Variants in ABCA10 observed in about 807,000 individuals in gnomAD.
ABCA10 encodes the protein ATP-binding cassette sub-family A member 10.
Under a neutral mutation model 187.5 loss-of-function variants are expected in ABCA10, and 169 were observed. That is an observed-to-expected ratio of 0.90 (90% CI 0.80 to 1.02). The LOEUF is 1.02. Among genes scored for constraint, ABCA10 ranks in the 50% least tolerant of loss-of-function variants. The pLI is 0.00. For synonymous variants in ABCA10, 574 were observed against 601.8 expected (o/e 0.95, Z 0.68); for missense variants, 1,727 against 1,812.4 (o/e 0.95, Z 0.86).
intron 9 of ABCA10, among the ~76,000 whole-genome samples, chr17:69,210,230 C>T (rs1598116974): frequency 7.6e-6 from 1 of 131,282 alleles, no homozygotes; most frequent in African/African-American, 3.2e-5. Context: ...TCGCCCAGGC[C>T]GGACTGCGGA....
chr17:69,220,503 G>A (rs2144845889), intron 5 of ABCA10, among the ~76,000 whole-genome samples: 2 of 152,308 alleles, frequency 1.3e-5, no homozygotes, highest in East Asian at 3.9e-4. Context: ...AAGATTGGAT[G>A]TGATGAGTGA....
At position 69,214,759 on chromosome 17, in the gene ABCA10, T is replaced by C; in HGVS notation, c.951A>G (p.Ala317=). Residue 317 remains alanine, a synonymous_variant, in exon 9 of 39, where the codon GCA becomes GCG. Coordinates refer to ENST00000690296, the MANE Select transcript of ABCA10 (RefSeq NM_001377321.1). ...ATATCAAATAGAAAAGAGTATCAAA[T>C]GCCAAAATGAAAAAAGTGGCTATCA... The part of the protein sequence containing the change: ...YKMIATFFIL[A]FDTLFYLIFT... 6.6e-7 allele frequency: 1 copy of C among 1,518,294 alleles called. No homozygotes were observed. Among genetic ancestry groups the C allele is most frequent in the Non-Finnish European group, 8.8e-7 (1 of 1,141,268 alleles). The allele number at this position is 1,518,294 out of a possible 1,614,324, so 94.1% of individuals were successfully genotyped here.
At chr17:69,195,497 C>T (rs2074491488) in intron 11 of ABCA10, among the ~76,000 whole-genome samples, 1 of 149,048 alleles carries the variant, frequency 6.7e-6, no homozygotes, top group Admixed American at 6.7e-5. Flanking sequence ...GATATTTTCA[C>T]ATCACAGAAA....
chr17:69,221,746 G>A (rs2074749331), intron 5 of ABCA10, 46 bp downstream of exon 5: 2 of 1,502,976 alleles, frequency 1.3e-6, no homozygotes, highest in South Asian at 2.4e-5. Flanking sequence ...TTTAAAAAGA[G>A]GGAAGAATAC....
At chr17:69,162,728 G>T (rs1166359643) in intron 27 of ABCA10, among the ~76,000 whole-genome samples, 2 of 151,822 alleles carry the variant, frequency 1.3e-5, no homozygotes, top group African/African-American at 4.8e-5. Context: ...CCTCAGTTCT[G>T]TAGGAATGAA....
intron 6 of ABCA10, among the ~76,000 whole-genome samples, chr17:69,216,750 G>A (rs972841031): frequency 1.3e-5 from 2 of 151,890 alleles, no homozygotes; most frequent in African/African-American, 2.4e-5. Flanking sequence ...GAAAAACAAC[G>A]ACAATCTCCC....
At chr17:69,212,780 C>T (rs2144834971) in intron 9 of ABCA10, among the ~76,000 whole-genome samples, 1 of 152,252 alleles carries the variant, frequency 6.6e-6, no homozygotes, top group East Asian at 1.9e-4. Context: ...AATAGCTACT[C>T]CTGTGTCCAT....
chr17:69,206,227 T>C (rs1368822989), intron 9 of ABCA10, among the ~76,000 whole-genome samples: 1 of 152,212 alleles, frequency 6.6e-6, no homozygotes, highest in African/African-American at 2.4e-5. Flanking sequence ...GATTCTAGAA[T>C]AATACTTTTC....
chr17:69,170,713 T>C (rs1369085328), intron 25 of ABCA10, among the ~76,000 whole-genome samples: 1 of 151,864 alleles, frequency 6.6e-6, no homozygotes, highest in African/African-American at 2.4e-5. Flanking sequence ...TTTTGGGAAA[T>C]TGAAACAACT....
rs2074390416 is a variant in ABCA10, at chr17:69,182,782, A to AT, written c.2523_2524insA (p.Ser842IlefsTer13). On this transcript the variant is annotated frameshift_variant, in exon 21 of 39. Coordinates refer to ENST00000690296, the MANE Select transcript of ABCA10 (RefSeq NM_001377321.1). LOFTEE classifies it high-confidence loss of function. Reference sequence around the variant, plus strand: ...AAAACTATATCCTGACACTTCAGTGAATGCACGAGGTCTTCAATATTTGAT... The same window carrying AT: ...AAAACTATATCCTGACACTTCAGTGATATGCACGAGGTCTTCAATATTTGAT... The AT allele has an allele frequency of 6.2e-7, 1 of 1,610,400 alleles. No individual in the cohort carries two copies. The highest frequency in any genetic ancestry group is 8.5e-7 in the Non-Finnish European group (1 of 1,178,224).
chr17:69,197,105 T>C lies in ABCA10; in HGVS notation c.1193A>G (p.Lys398Arg). 6.3e-7 allele frequency: 1 copy of C among 1,594,764 alleles called. No homozygotes were observed. The highest frequency in any genetic ancestry group is 8.6e-7 in the Non-Finnish European group (1 of 1,165,416). The change falls in exon 11 of 39, where the codon AAA (lysine) becomes AGA (arginine). Residue 398 changes from lysine to arginine, a missense_variant. Physicochemically the swap from Lys to Arg is conservative, Grantham distance 26. Transcript: ENST00000690296. The part of the protein sequence containing the change: ...KEAIRIRNVI[K>R]EYNGKTGKVE... ...TTTTCCAGTCTTTCCATTATATTCT[T>C]TTATAACATTTCTGATTCTGAAAGA...
Position 69,164,069 on chromosome 17 carries a change from C to T in ABCA10, c.3363+5G>A, listed in dbSNP as rs1389280242. On this transcript the variant is annotated splice_donor_5th_base_variant and intron_variant, in intron 27 of 38. Coordinates refer to ENST00000690296, the MANE Select transcript of ABCA10 (RefSeq NM_001377321.1). ...ATATATATTTAGGTAGAAAATGTTC[C>T]TTACTATTAAGGTTGTTAAAAGAAT... The T allele has an allele frequency of 1.3e-6, 2 of 1,534,830 alleles. No homozygotes were observed. The highest frequency in any genetic ancestry group is 1.7e-6 in the Non-Finnish European group (2 of 1,146,946).
At position 69,193,094 on chromosome 17, in the gene ABCA10, A is replaced by G. The variant is rs1390066671; in HGVS notation, c.1780+16T>C. On this transcript the variant is annotated intron_variant, in intron 15 of 38. Transcript: ENST00000690296. ...ATCCTTAAATAACTAGTTGGAATAA[A>G]GAAGCCAAGAATCACCAGCCAAGAT... 6.3e-7 allele frequency: 1 copy of G among 1,582,084 alleles called. No individual in the cohort carries two copies.
In ABCA10 at chr17:69,150,005, C is replaced by T. The variant is rs1432988425; in HGVS notation, c.4456G>A (p.Ala1486Thr). The T allele has an allele frequency of 1.2e-6, 2 of 1,612,480 alleles. No individual in the cohort carries two copies. Among genetic ancestry groups the T allele is most frequent in the Non-Finnish European group, 1.7e-6 (2 of 1,179,078 alleles). The change falls in exon 37 of 39, where the codon GCC (alanine) becomes ACC (threonine). Residue 1486 changes from alanine to threonine, a missense_variant. Physicochemically the swap from Ala to Thr is moderately conservative, Grantham distance 58 (BLOSUM62 0). Coordinates refer to ENST00000690296, the MANE Select transcript of ABCA10 (RefSeq NM_001377321.1). ...PVEDVHPLSR[A>T]FFKLEAMKQT... ...TTACTCGCCTCTAACTTGAAAAAGG[C>T]CCGAGATAGAGGGTGGACATCCTCC...
At chr17:69,150,307 C>T (rs1040790326) in intron 36 of ABCA10, 12 of 379,032 alleles carry the variant, frequency 3.2e-5, no homozygotes, top group Non-Finnish European at 5.7e-5. Flanking sequence ...AAGAATCTTT[C>T]CCACTCAGCC....
chr17:69,177,969 A>ATATATATATATATATATATATGTTATAT (rs1293769286), intron 22 of ABCA10, among the ~76,000 whole-genome samples: 1 of 54,964 alleles, frequency 1.8e-5, no homozygotes, highest in Non-Finnish European at 6.0e-5. Flanking sequence ...AAAAAAAAAA[A>ATATATATATATATATATATATGTTATAT]AAAAATATAT....
rs1208574767 is a variant in ABCA10, at chr17:69,173,811, A to T, written c.3162+470T>A. On this transcript the variant is annotated intron_variant, in intron 25 of 38. Transcript: ENST00000690296. ...AGTAATAAGTAAATTATTTATTAAG[A>T]AAACAGTTTCTTATTTATTTTATTC... is the stretch of plus-strand genomic sequence containing the variant. Among the ~76,000 whole-genome samples, 3 of 152,148 alleles carry T rather than the reference A, an allele frequency of 2.0e-5. No homozygotes were observed. The East Asian group carries it at 5.8e-4, about 29-fold the overall frequency.
chr17:69,213,155 T>C (rs529421516), intron 9 of ABCA10, among the ~76,000 whole-genome samples: 158 of 152,246 alleles, frequency 1.0e-3, no homozygotes, highest in African/African-American at 3.2e-3. Flanking sequence ...CTTGAGTTCA[T>C]TGGCCTCCAA....
chr17:69,195,788 T>C (rs1329248852), intron 11 of ABCA10, among the ~76,000 whole-genome samples: 1 of 151,892 alleles, frequency 6.6e-6, no homozygotes, highest in Non-Finnish European at 1.5e-5. Context: ...CCTTCAAGCA[T>C]CTGTTTAACA....
Sources: allele counts gnomAD v4.1 joint callset (sites outside exome capture counted in the v4.1 genomes callset), GRCh38; gene constraint gnomAD v4.1.1; transcripts MANE v1.5; gene names NCBI Gene and HGNC (gene_info 2026-07-23, HGNC 2026-07-21).